Variants in CNTNAP2 observed in about 807,000 individuals in gnomAD.
CNTNAP2 encodes contactin associated protein 2.
Under a neutral mutation model 155.2 loss-of-function variants are expected in CNTNAP2, and 98 were observed. That is an observed-to-expected ratio of 0.63 (90% CI 0.54 to 0.75). The LOEUF is 0.75. Ranked by LOEUF, CNTNAP2 falls within the 30% of genes least tolerant of loss-of-function variation. The pLI is 0.00. For synonymous variants in CNTNAP2, 651 were observed against 631.2 expected (o/e 1.03, Z -0.47); for missense variants, 1,727 against 1,688.1 (o/e 1.02, Z -0.40).
At chr7:147,634,570 C>T in intron 12 of CNTNAP2, among the ~76,000 whole-genome samples, 1 of 151,872 alleles carries the variant, frequency 6.6e-6, no homozygotes, top group South Asian at 2.1e-4. Flanking sequence ...AACCAAAAAC[C>T]ACCTGTACCC....
rs533141076 is a variant in CNTNAP2 at position 147,907,292 on chromosome 7, G to C, written c.2255+3571G>C. Among the ~76,000 whole-genome samples, 2 of 152,202 alleles carry C rather than the reference G, an allele frequency of 1.3e-5. 1 individual carries two copies. Among genetic ancestry groups the C allele is most frequent in the South Asian group, 4.1e-4 (2 of 4,826 alleles). ...AGGATAGTCTCGATCTCCTGACCTC[G>C]TGATCTGCCCACCTCGGCCTCCCAA... is the stretch of plus-strand genomic sequence containing the variant. On this transcript the variant is annotated intron_variant, in intron 14 of 23. Coordinates refer to ENST00000361727, the MANE Select transcript of CNTNAP2 (RefSeq NM_014141.6).
chr7:147,994,282 G>A (rs1217098770), intron 15 of CNTNAP2, among the ~76,000 whole-genome samples: 1 of 151,494 alleles, frequency 6.6e-6, no homozygotes, highest in Non-Finnish European at 1.5e-5. Context: ...GAGGCAGGAG[G>A]ATCACTGGAG....
intron 18 of CNTNAP2, among the ~76,000 whole-genome samples, chr7:148,173,600 C>A (rs1356879234): frequency 1.3e-5 from 2 of 152,158 alleles, no homozygotes; most frequent in African/African-American, 4.8e-5. Flanking sequence ...GAGCATGAGA[C>A]AACAACAAAG....
In CNTNAP2 at chr7:146,670,395, C is replaced by T. The variant is rs114930734; in HGVS notation, c.98-103876C>T. 5.5e-3 allele frequency among the ~76,000 whole-genome samples: 838 copies of T among 152,110 alleles called. 4 individuals are homozygous for T. Among genetic ancestry groups the T allele is most frequent in the African/African-American group, 0.019 (795 of 41,492 alleles). ...GGACTTTTTTTCTGTTTATGAAGAA[C>T]GTAGCCAGAGATAGTCCTAAAATAG... On this transcript the variant is annotated intron_variant, in intron 1 of 23. Transcript: ENST00000361727.
intron 6 of CNTNAP2, among the ~76,000 whole-genome samples, chr7:147,126,698 C>A (rs1316760111): frequency 6.6e-6 from 1 of 152,190 alleles, no homozygotes; most frequent in Non-Finnish European, 1.5e-5. Context: ...GTCTCGAACT[C>A]CTGATCTCAG....
At chr7:146,194,375 C>A (rs1798747546) in intron 1 of CNTNAP2, among the ~76,000 whole-genome samples, 1 of 152,194 alleles carries the variant, frequency 6.6e-6, no homozygotes, top group African/African-American at 2.4e-5. Flanking sequence ...AAAGGAGAAG[C>A]AAAGTCATGT....
chr7:146,366,336 GATA>G (rs563903599), intron 1 of CNTNAP2, among the ~76,000 whole-genome samples: 101 of 152,032 alleles, frequency 6.6e-4, no homozygotes, highest in African/African-American at 2.3e-3. Context: ...ATGTATTTCT[GATA>G]ATAACATTTT....
chr7:147,125,629 C>G (rs1031134225), intron 6 of CNTNAP2, among the ~76,000 whole-genome samples: 1 of 152,172 alleles, frequency 6.6e-6, no homozygotes, highest in African/African-American at 2.4e-5. Context: ...GAATGACTCT[C>G]TTGACCATTG....
chr7:147,540,189 C>T (rs888330387), intron 11 of CNTNAP2, among the ~76,000 whole-genome samples: 4 of 152,204 alleles, frequency 2.6e-5, no homozygotes, highest in Non-Finnish European at 4.4e-5. Flanking sequence ...GTCTCATCAG[C>T]TCCTACTTGC....
intron 3 of CNTNAP2, among the ~76,000 whole-genome samples, chr7:146,874,109 G>A (rs1479538766): frequency 6.6e-6 from 1 of 152,000 alleles, no homozygotes; most frequent in Admixed American, 6.6e-5. Context: ...CTCGGGAGAA[G>A]TGAACTCAGG....
intron 1 of CNTNAP2, among the ~76,000 whole-genome samples, chr7:146,502,246 T>TATGA (rs1554441640): frequency 1.5e-5 from 2 of 135,486 alleles, no homozygotes; most frequent in Non-Finnish European, 3.0e-5. Context: ...TATATATATA[T>TATGA]ATATATATAT....
chr7:147,461,657 G>T (rs189136989), intron 10 of CNTNAP2, among the ~76,000 whole-genome samples: 37 of 151,546 alleles, frequency 2.4e-4, no homozygotes, highest in East Asian at 1.9e-4. Flanking sequence ...ATTATCCTGG[G>T]CTTGAAAAAA....
chr7:146,273,689 A>G (rs1800119744), intron 1 of CNTNAP2, among the ~76,000 whole-genome samples: 1 of 152,136 alleles, frequency 6.6e-6, no homozygotes, highest in Admixed American at 6.5e-5. Flanking sequence ...CTGTGGATCA[A>G]AGAGATTTTC....
chr7:146,835,943 G>A (rs1231492037), intron 2 of CNTNAP2, among the ~76,000 whole-genome samples: 1 of 152,126 alleles, frequency 6.6e-6, no homozygotes, highest in African/African-American at 2.4e-5. Context: ...TATAGCCCCA[G>A]GTTGACCAGT....
chr7:147,340,632 T>C (rs1157314366), intron 9 of CNTNAP2, among the ~76,000 whole-genome samples: 1 of 152,180 alleles, frequency 6.6e-6, no homozygotes, highest in East Asian at 1.9e-4. Flanking sequence ...CTGAAGTTTA[T>C]CTTATATGTC....
At chr7:146,733,399 GTT>G (rs1293894345) in intron 1 of CNTNAP2, among the ~76,000 whole-genome samples, 4 of 151,174 alleles carry the variant, frequency 2.6e-5, no homozygotes, top group East Asian at 3.9e-4. Context: ...TATTTATAGT[GTT>G]TTATAATTAA....
chr7:147,685,453 C>G (rs1185416256), intron 13 of CNTNAP2, among the ~76,000 whole-genome samples: 1 of 151,932 alleles, frequency 6.6e-6, no homozygotes. Context: ...CTGTTACTTT[C>G]TAGATATTCA....
At chr7:148,195,802 C>G (rs1457741488) in intron 18 of CNTNAP2, among the ~76,000 whole-genome samples, 4 of 152,068 alleles carry the variant, frequency 2.6e-5, no homozygotes, top group South Asian at 4.2e-4. Context: ...ATTTTTATTT[C>G]TGTATTTTCT....
intron 22 of CNTNAP2, among the ~76,000 whole-genome samples, chr7:148,392,191 G>A (rs914576222): frequency 5.0e-5 from 7 of 138,952 alleles, no homozygotes; most frequent in African/African-American, 1.7e-4. Context: ...CTACTGCCTC[G>A]GCCTCCTGAG....
Sources: gnomAD v4.1 joint callset for allele counts (sites outside exome capture counted in the v4.1 genomes callset) on GRCh38, gnomAD v4.1.1 for gene constraint, MANE v1.5 for transcripts, NCBI Gene and HGNC (gene_info 2026-07-23, HGNC 2026-07-21) for gene names.